FAT4: variants seen among roughly 807,000 people sequenced by gnomAD.
FAT4 encodes FAT atypical cadherin 4.
In FAT4, 84 loss-of-function variants were observed where a neutral mutation model predicts 303.9. The observed-to-expected ratio is 0.28, with a 90% confidence interval of 0.23 to 0.33. The LOEUF is 0.33. Among genes scored for constraint, FAT4 ranks in the 10% least tolerant of loss-of-function variants. FAT4 has a pLI of 1.00. For missense variants in FAT4, 6,005 were observed against 6,146.8 expected, an observed-to-expected ratio of 0.98 and a Z score of 0.77; for synonymous variants, 2,307 against 2,298.8, an observed-to-expected ratio of 1.00 and a Z score of -0.10.
chr4:125,462,527 A>C (rs981972380), intron 10 of FAT4, among the ~76,000 whole-genome samples: 1 of 152,140 alleles, frequency 6.6e-6, no homozygotes, highest in Middle Eastern at 3.4e-3. Flanking sequence ...TGATTGCAAT[A>C]CTTTAAAGTT....
intron 2 of FAT4, among the ~76,000 whole-genome samples, chr4:125,354,156 A>G (rs1356046834): frequency 1.3e-5 from 2 of 151,746 alleles, no homozygotes; most frequent in African/African-American, 4.8e-5. Flanking sequence ...TGCTATTACT[A>G]AGATTATTTT....
intron 2 of FAT4, among the ~76,000 whole-genome samples, chr4:125,355,388 G>T (rs1026766721): frequency 6.6e-6 from 1 of 151,976 alleles, no homozygotes; most frequent in African/African-American, 2.4e-5. Context: ...TACAGAATGT[G>T]TTCCAGATAT....
intron 2 of FAT4, among the ~76,000 whole-genome samples, chr4:125,330,852 G>A (rs747151525): frequency 6.6e-6 from 1 of 152,048 alleles, no homozygotes; most frequent in Non-Finnish European, 1.5e-5. Context: ...TTCTTACAAT[G>A]ACCCTGAAGA....
intron 5 of FAT4, among the ~76,000 whole-genome samples, chr4:125,414,286 G>A (rs1208114869): frequency 3.3e-5 from 5 of 151,970 alleles, no homozygotes; most frequent in African/African-American, 7.2e-5. Context: ...AATAGCATGA[G>A]CATTTATATT....
chr4:125,380,352 G>A (rs1733494256), intron 2 of FAT4, among the ~76,000 whole-genome samples: 1 of 152,204 alleles, frequency 6.6e-6, no homozygotes, highest in African/African-American at 2.4e-5. Context: ...AAAAGGCTAT[G>A]TTGAGGTTCT....
chr4:125,478,251 A>T (rs1037651814), intron 14 of FAT4, among the ~76,000 whole-genome samples: 1 of 151,972 alleles, frequency 6.6e-6, no homozygotes, highest in African/African-American at 2.4e-5. Context: ...ACATGTTGTT[A>T]CTGTTTTGTT....
chr4:125,368,111 G>A (rs1302766702), intron 2 of FAT4, among the ~76,000 whole-genome samples: 3 of 152,062 alleles, frequency 2.0e-5, no homozygotes, highest in African/African-American at 7.2e-5. Context: ...AGTATTTATA[G>A]ACAAAAATGT....
At chr4:125,459,697 T>C (rs149231123) in intron 10 of FAT4, among the ~76,000 whole-genome samples, 82 of 152,194 alleles carry the variant, frequency 5.4e-4, no homozygotes, top group Non-Finnish European at 1.1e-3. Flanking sequence ...TTTGTGCAAG[T>C]CCTATCAGCA....
chr4:125,475,587 T>C (rs1726999853), intron 12 of FAT4, among the ~76,000 whole-genome samples: 1 of 152,140 alleles, frequency 6.6e-6, no homozygotes, highest in Admixed American at 6.6e-5. Flanking sequence ...GCTGTAATGT[T>C]ATTTATAAAT....
At chr4:125,442,126 C>T (rs1045891384) in intron 8 of FAT4, among the ~76,000 whole-genome samples, 2 of 152,136 alleles carry the variant, frequency 1.3e-5, no homozygotes, top group African/African-American at 4.8e-5. Flanking sequence ...GACCACTAGC[C>T]TAGACCTTCT....
chr4:125,415,805 AG>A lies in FAT4; in HGVS notation c.6843+1del. 2 of 1,594,782 alleles carry A rather than the reference AG, an allele frequency of 1.3e-6. No homozygotes were observed. The highest frequency in any genetic ancestry group is 8.6e-7 in the Non-Finnish European group (1 of 1,168,602). On this transcript the variant is annotated frameshift_variant and splice_region_variant, in exon 6 of 18. Transcript: ENST00000394329. LOFTEE classifies it high-confidence loss of function. The stretch of plus-strand genomic sequence containing the variant: ...GGGACACTACCCAGAACAATTCTTC[AG>A]GTCAGTATATTTAAATAAAGCAAGT... ...NLGTLPRTILQVVARDDDRGS... is the reference protein window; with the variant it reads ...NLGTLPRTILXVVARDDDRGS...
chr4:125,337,852 C>G (rs1731633956), intron 2 of FAT4, among the ~76,000 whole-genome samples: 2 of 152,072 alleles, frequency 1.3e-5, no homozygotes, highest in Admixed American at 6.5e-5. Flanking sequence ...TTCAAACACA[C>G]TTGGGTACAA....
At chr4:125,344,619 T>C (rs1049008399) in intron 2 of FAT4, among the ~76,000 whole-genome samples, 2 of 152,178 alleles carry the variant, frequency 1.3e-5, no homozygotes, top group African/African-American at 4.8e-5. Context: ...GTGATGCCAA[T>C]GGGCGTTATT....
chr4:125,474,932 A>G (rs1053914754), intron 12 of FAT4, among the ~76,000 whole-genome samples: 1 of 152,020 alleles, frequency 6.6e-6, no homozygotes, highest in Non-Finnish European at 1.5e-5. Context: ...TGTTTTCTAC[A>G]TTTGCTTTGC....
intron 2 of FAT4, among the ~76,000 whole-genome samples, chr4:125,341,818 G>T (rs181834066): frequency 6.6e-6 from 1 of 152,054 alleles, no homozygotes; most frequent in Admixed American, 6.5e-5. Flanking sequence ...AAAGACATTT[G>T]ACATTTTAAA....
intron 5 of FAT4, 46 bp downstream of exon 5, chr4:125,408,840 C>A: frequency 3.0e-6 from 3 of 1,002,244 alleles, no homozygotes; most frequent in South Asian, 2.3e-5. Flanking sequence ...TATAAACTGT[C>A]ATCAGATTTA....
chr4:125,340,799 T>TA (rs1353484233), intron 2 of FAT4, among the ~76,000 whole-genome samples: 4 of 152,098 alleles, frequency 2.6e-5, no homozygotes, highest in Admixed American at 6.5e-5. Flanking sequence ...GTAACAGTAG[T>TA]AGTAGTAGGA....
intron 16 of FAT4, among the ~76,000 whole-genome samples, chr4:125,482,833 T>C (rs1277364230): frequency 1.3e-5 from 2 of 152,206 alleles, no homozygotes; most frequent in African/African-American, 4.8e-5. Flanking sequence ...CATGATTATG[T>C]TGCATATAAA....
intron 2 of FAT4, among the ~76,000 whole-genome samples, chr4:125,337,319 T>C (rs530522400): frequency 1.3e-5 from 2 of 152,174 alleles, no homozygotes; most frequent in Admixed American, 6.5e-5. Flanking sequence ...TCATATTAAA[T>C]TAACCATTAA....
Sources: allele counts gnomAD v4.1 joint callset (sites outside exome capture counted in the v4.1 genomes callset), GRCh38; gene constraint gnomAD v4.1.1; transcripts MANE v1.5; gene names NCBI Gene and HGNC (gene_info 2026-07-23, HGNC 2026-07-21).